The following PACSIN2 variants were observed in gnomAD, a reference collection of about 807,000 sequenced individuals.
The protein encoded by PACSIN2 is protein kinase C and casein kinase substrate in neurons protein 2.
Under a neutral mutation model 63.8 loss-of-function variants are expected in PACSIN2, and 25 were observed. That is an observed-to-expected ratio of 0.39 (90% CI 0.29 to 0.55). PACSIN2 has a LOEUF of 0.55. PACSIN2 is among the 20% of genes least tolerant of loss of function. PACSIN2 has a pLI of 0.62. For synonymous variants in PACSIN2, 255 were observed against 256.2 expected (o/e 1.00, Z 0.05); for missense variants, 518 against 646.9 (o/e 0.80, Z 2.16).
At chr22:42,955,865 A>AT (rs1357901349) in intron 1 of PACSIN2, among the ~76,000 whole-genome samples, 3 of 152,152 alleles carry the variant, frequency 2.0e-5, no homozygotes. Context: ...TTTTTTCTTC[A>AT]TGTGTCAGTT....
In PACSIN2 at chr22:42,871,435, C is replaced by T; in HGVS notation, c.1383G>A (p.Glu461=). 6.2e-7 allele frequency: 1 copy of T among 1,614,188 alleles called. No individual in the cohort carries two copies. The highest frequency in any genetic ancestry group is 8.5e-7 in the Non-Finnish European group (1 of 1,180,002). Residue 461 remains glutamate, a synonymous_variant, in exon 11 of 11, where the codon GAG becomes GAA. Transcript: ENST00000263246. The surrounding 1 kb of genome is among the most constrained non-coding windows in gnomAD (Gnocchi z 5.4). The part of the protein sequence containing the change: ...DELTKMEDED[E]QGWCKGRLDN... ...CCAAGCGTCCCTTGCACCAGCCCTG[C>T]TCATCCTCGTCCTCCATCTTGGTCA... is the stretch of plus-strand genomic sequence containing the variant.
At chr22:42,987,680 C>T (rs1922732550) in intron 1 of PACSIN2, among the ~76,000 whole-genome samples, 1 of 151,506 alleles carries the variant, frequency 6.6e-6, no homozygotes, top group African/African-American at 2.4e-5. Context: ...TACAGGTGCG[C>T]ACCACCACAC....
intron 1 of PACSIN2, among the ~76,000 whole-genome samples, chr22:42,914,665 T>C (rs1357104977): frequency 6.6e-6 from 1 of 152,120 alleles, no homozygotes; most frequent in African/African-American, 2.4e-5. Flanking sequence ...TGGGCTCAGG[T>C]GAGTCTCAAA....
intron 1 of PACSIN2, chr22:42,945,917 C>G (rs982029571): frequency 6.5e-6 from 1 of 152,988 alleles, no homozygotes; most frequent in Admixed American, 6.5e-5. Context: ...TACTTCCTCC[C>G]GAAGCCAGCA....
chr22:42,994,636 G>A (rs764442975), intron 1 of PACSIN2, among the ~76,000 whole-genome samples: 12 of 152,224 alleles, frequency 7.9e-5, no homozygotes, highest in Non-Finnish European at 1.6e-4. Context: ...CAGGGTCTCT[G>A]TCCCTGTGCA....
chr22:42,874,408 C>CATGT (rs1261923156), intron 10 of PACSIN2, among the ~76,000 whole-genome samples: 1 of 151,832 alleles, frequency 6.6e-6, no homozygotes, highest in African/African-American at 2.4e-5. Flanking sequence ...AGGCAGAGCA[C>CATGT]ATGTAATCAG....
intron 1 of PACSIN2, among the ~76,000 whole-genome samples, chr22:42,918,587 T>C (rs1437593670): frequency 6.6e-6 from 1 of 152,230 alleles, no homozygotes; most frequent in Admixed American, 6.5e-5. Context: ...AGCTCTTAAG[T>C]GCTAGGCTGA....
At chr22:42,906,843 G>C (rs1050767856) in intron 2 of PACSIN2, among the ~76,000 whole-genome samples, 2 of 152,174 alleles carry the variant, frequency 1.3e-5, no homozygotes, top group Non-Finnish European at 2.9e-5. Context: ...ATCGGGGTAG[G>C]AAAAAGAGTT....
At chr22:42,898,146 C>T (rs936424384) in intron 2 of PACSIN2, among the ~76,000 whole-genome samples, 1 of 152,154 alleles carries the variant, frequency 6.6e-6, no homozygotes, top group African/African-American at 2.4e-5. Flanking sequence ...GGGAGCTGCC[C>T]ATCCTCCAGG....
intron 1 of PACSIN2, among the ~76,000 whole-genome samples, chr22:42,913,131 G>A (rs1223325015): frequency 6.6e-6 from 1 of 152,168 alleles, no homozygotes; most frequent in Non-Finnish European, 1.5e-5. Context: ...TATGAGGTGG[G>A]CAACAGTGGG....
At chr22:43,011,418 T>A (rs1004740523) in intron 1 of PACSIN2, among the ~76,000 whole-genome samples, 1 of 152,206 alleles carries the variant, frequency 6.6e-6, no homozygotes, top group Non-Finnish European at 1.5e-5. Context: ...GAGGTTCACA[T>A]GAAGGTGGCC....
intron 1 of PACSIN2, among the ~76,000 whole-genome samples, chr22:42,922,487 C>T (rs1932260395): frequency 6.6e-6 from 1 of 152,234 alleles, no homozygotes; most frequent in African/African-American, 2.4e-5. Context: ...CTCTAATCCT[C>T]TAACTGCAGA....
intron 1 of PACSIN2, 129 bp from the exon 2 acceptor site, chr22:42,912,286 T>C: frequency 1.9e-6 from 1 of 519,120 alleles, no homozygotes; most frequent in Non-Finnish European, 3.3e-6. Context: ...ATATTTCCTT[T>C]AGGTGGCAGA....
At chr22:43,004,177 T>A (rs1181300191) in intron 1 of PACSIN2, among the ~76,000 whole-genome samples, 1 of 152,202 alleles carries the variant, frequency 6.6e-6, no homozygotes, top group Admixed American at 6.5e-5. Context: ...GAGCACCAGC[T>A]CTGATGGTGA....
At chr22:42,876,042 G>C (rs968591727) in intron 10 of PACSIN2, 95 bp downstream of exon 10, 3 of 1,076,150 alleles carry the variant, frequency 2.8e-6, no homozygotes, top group Non-Finnish European at 4.0e-6. Context: ...AGTGAAACTA[G>C]CAAGAACTTT....
intron 2 of PACSIN2, among the ~76,000 whole-genome samples, chr22:42,907,855 G>C (rs1931190424): frequency 6.6e-6 from 1 of 152,212 alleles, no homozygotes; most frequent in Non-Finnish European, 1.5e-5. Flanking sequence ...TGGAAGGATG[G>C]GGAAAGTATC....
At chr22:42,963,531 A>C (rs1027234047) in intron 1 of PACSIN2, among the ~76,000 whole-genome samples, 4 of 152,238 alleles carry the variant, frequency 2.6e-5, no homozygotes, top group Non-Finnish European at 5.9e-5. Flanking sequence ...TGCTGCTTCT[A>C]TCTGAGGCCT....
intron 1 of PACSIN2, among the ~76,000 whole-genome samples, chr22:42,951,568 C>T (rs1475179515): frequency 1.3e-5 from 2 of 152,216 alleles, no homozygotes; most frequent in Non-Finnish European, 2.9e-5. Context: ...TCCTGCATCC[C>T]CCGGTTGGGC....
chr22:42,907,407 G>C (rs1447419072), intron 2 of PACSIN2, among the ~76,000 whole-genome samples: 1 of 152,220 alleles, frequency 6.6e-6, no homozygotes, highest in Non-Finnish European at 1.5e-5. Flanking sequence ...TCAGTGAAAA[G>C]AAATAATTAA....
Sources: gnomAD v4.1 joint callset for allele counts (sites outside exome capture counted in the v4.1 genomes callset) on GRCh38, gnomAD v4.1.1 for gene constraint, Gnocchi (gnomAD v3.1) non-coding constraint, MANE v1.5 for transcripts, NCBI Gene and HGNC (gene_info 2026-07-23, HGNC 2026-07-21) for gene names.